Variants in WASF3 observed in about 807,000 individuals in gnomAD.
WASF3 encodes the protein actin-binding protein WASF3.
WASF3 carries 11 observed loss-of-function variants against 46.6 expected under a neutral mutation model. The observed-to-expected ratio is 0.24, with a 90% CI of 0.15 to 0.39. The LOEUF is 0.39. Among genes scored for constraint, WASF3 ranks in the 10% least tolerant of loss-of-function variants. WASF3 has a pLI of 1.00. For synonymous variants in WASF3, 242 were observed against 259.7 expected, an observed-to-expected ratio of 0.93 and a Z score of 0.65; for missense variants, 576 against 669.8, an observed-to-expected ratio of 0.86 and a Z score of 1.55.
chr13:26,606,990 A>G (rs180964612), intron 1 of WASF3: 2 of 152,174 alleles, frequency 1.3e-5, no homozygotes, highest in Admixed American at 1.3e-4. Flanking sequence ...CTATTTTATT[A>G]TGAGTTATTG....
the WASF3 span, among the ~76,000 whole-genome samples, chr13:26,545,208 T>G: frequency 6.6e-6 from 1 of 152,228 alleles, no homozygotes; most frequent in South Asian, 2.1e-4. Context: ...TTTCACTCCC[T>G]TCCACTGTAG....
the WASF3 span, among the ~76,000 whole-genome samples, chr13:26,546,526 C>A: frequency 6.6e-6 from 1 of 152,122 alleles, no homozygotes; most frequent in East Asian, 1.9e-4. Flanking sequence ...GCCTGGCCAC[C>A]ATGGTGAAAC....
intron 1 of WASF3, among the ~76,000 whole-genome samples, chr13:26,568,885 A>G (rs1879550686): frequency 1.3e-5 from 2 of 152,222 alleles, no homozygotes; most frequent in African/African-American, 4.8e-5. Context: ...AATTAGTTGC[A>G]CAATGTACGT....
At position 26,682,827 on chromosome 13, in the gene WASF3, C is replaced by T. The variant is rs1883278764; in HGVS notation, c.1204C>T (p.Pro402Ser). 2 of 1,610,598 alleles carry T rather than the reference C, an allele frequency of 1.2e-6. No individual in the cohort carries two copies. Among genetic ancestry groups the T allele is most frequent in the South Asian group, 1.1e-5 (1 of 91,038 alleles). ...AGCCCCGCCACCCCCGGGCCCACCA[C>T]CTCCCCCGCCAGGCCCTCCTGGTCC... ...VTAPPPPGPPPPPPGPPGPGS... is the reference protein window; with the variant it reads ...VTAPPPPGPPSPPPGPPGPGS... The change falls in exon 9 of 10, where the codon CCT becomes TCT. Residue 402 changes from proline (P) to serine (S), a missense_variant. Transcript: ENST00000335327. This position sits in a 1 kb window ranked among gnomAD's most constrained non-coding sequence, Gnocchi z 4.4.
chr13:26,559,874 GTGGTGTGA>G (rs1372983178), intron 1 of WASF3, among the ~76,000 whole-genome samples: 3 of 132,074 alleles, frequency 2.3e-5, no homozygotes, highest in Non-Finnish European at 4.6e-5. Context: ...CTGGAGTGCA[GTGGTGTGA>G]TCTCGGCTCA....
chr13:26,575,405 T>C (rs1187206989), intron 1 of WASF3, among the ~76,000 whole-genome samples: 2 of 152,224 alleles, frequency 1.3e-5, no homozygotes, highest in African/African-American at 4.8e-5. Flanking sequence ...ACCAGTCCTT[T>C]TGCTTACGTT....
chr13:26,665,669 G>A (rs1051269439), intron 4 of WASF3, among the ~76,000 whole-genome samples: 1 of 152,090 alleles, frequency 6.6e-6, no homozygotes, highest in Non-Finnish European at 1.5e-5. Flanking sequence ...TAGGCTGCAG[G>A]CTTTAAAATA....
chr13:26,544,822 C>T, the WASF3 span, among the ~76,000 whole-genome samples: 5,897 of 152,296 alleles, frequency 0.039, 386 homozygotes, highest in African/African-American at 0.13. Flanking sequence ...TGTGGCCTGG[C>T]GGTTCCCACC....
chr13:26,620,351 C>G (rs1043375127), intron 2 of WASF3, among the ~76,000 whole-genome samples: 1 of 151,428 alleles, frequency 6.6e-6, no homozygotes, highest in African/African-American at 2.4e-5. Flanking sequence ...TTCTGAGTAT[C>G]TAGTTAAATG....
Position 26,642,319 on chromosome 13 carries a change from G to A in WASF3, c.49G>A (p.Ala17Thr). The change falls in exon 3 of 10, where the codon GCT (alanine) becomes ACT (threonine). Residue 17 changes from alanine to threonine, a missense_variant. Ala to Thr is a moderately conservative substitution (Grantham distance 58, BLOSUM62 0). Around this residue, in one of 3 missense-constraint regions of WASF3, gnomAD observed 213 missense variants for 278.0 expected, o/e 0.77. Transcript: ENST00000335327. ...NIEPRHLCRG[A>T]LPEGITSELE... ...TGAGCCCCGGCACTTGTGCCGGGGA[G>A]CTCTGCCTGAAGGGATTACCAGCGA... The A allele has an allele frequency of 6.2e-7, 1 of 1,609,296 alleles. No homozygotes were observed. Among genetic ancestry groups the A allele is most frequent in the Non-Finnish European group, 8.5e-7 (1 of 1,178,276 alleles).
At chr13:26,589,780 ACCTCATG>A (rs1880235500) in intron 1 of WASF3, among the ~76,000 whole-genome samples, 2 of 152,042 alleles carry the variant, frequency 1.3e-5, no homozygotes, top group South Asian at 4.1e-4. Context: ...GGAATGTTAG[ACCTCATG>A]CTTTGGATTG....
the WASF3 span, among the ~76,000 whole-genome samples, chr13:26,547,393 AACACACACACACAC>A: frequency 2.3e-5 from 3 of 131,258 alleles, no homozygotes; most frequent in African/African-American, 5.7e-5. Flanking sequence ...CTACCCCATC[AACACACACACACAC>A]ACACACACAC....
At chr13:26,581,635 A>G (rs1371357458) in intron 1 of WASF3, among the ~76,000 whole-genome samples, 1 of 152,142 alleles carries the variant, frequency 6.6e-6, no homozygotes, top group Non-Finnish European at 1.5e-5. Context: ...TAAAAAAAAA[A>G]GTTACAAAAC....
At chr13:26,612,839 A>T (rs1455193689) in intron 1 of WASF3, 122 bp from the exon 2 acceptor site, 4 of 152,236 alleles carry the variant, frequency 2.6e-5, no homozygotes, top group Non-Finnish European at 4.4e-5. Context: ...TTAAAAAAGA[A>T]CTAGTTCAGG....
At chr13:26,615,114 A>G (rs969058783) in intron 2 of WASF3, among the ~76,000 whole-genome samples, 8 of 151,918 alleles carry the variant, frequency 5.3e-5, no homozygotes, top group Admixed American at 1.3e-4. Flanking sequence ...AGCTATGTCT[A>G]TCTGGTTGCT....
chr13:26,611,238 A>G (rs906898222), intron 1 of WASF3, among the ~76,000 whole-genome samples: 7 of 150,932 alleles, frequency 4.6e-5, no homozygotes, highest in African/African-American at 1.5e-4. Context: ...ATCCTAAAAA[A>G]CTCACTTTTT....
intron 3 of WASF3, among the ~76,000 whole-genome samples, chr13:26,649,266 A>G (rs563298831): frequency 1.3e-5 from 2 of 152,354 alleles, no homozygotes; most frequent in East Asian, 3.9e-4. Flanking sequence ...ATAAAAATAT[A>G]AATATGAGAT....
chr13:26,578,023 T>TA (rs1465219046), intron 1 of WASF3, among the ~76,000 whole-genome samples: 11 of 152,330 alleles, frequency 7.2e-5, no homozygotes, highest in South Asian at 4.1e-4. Context: ...GACTTTTTTT[T>TA]ATGTATAGGA....
intron 3 of WASF3, among the ~76,000 whole-genome samples, chr13:26,660,809 TAGAA>T (rs1460518534): frequency 6.6e-6 from 1 of 152,080 alleles, no homozygotes; most frequent in Non-Finnish European, 1.5e-5. Context: ...CTGGGTAACT[TAGAA>T]AGAAAAGAAG....
Sources: allele counts gnomAD v4.1 joint callset (sites outside exome capture counted in the v4.1 genomes callset), GRCh38; gene constraint gnomAD v4.1.1; regional missense constraint gnomAD v4.1.1; non-coding constraint Gnocchi (gnomAD v3.1); transcripts MANE v1.5; gene names NCBI Gene and HGNC (gene_info 2026-07-23, HGNC 2026-07-21).